The following AOPEP variants were observed in gnomAD, a reference collection of about 807,000 sequenced individuals.
AOPEP encodes aminopeptidase O (putative).
AOPEP carries 77 observed loss-of-function variants against 98.1 expected under a neutral mutation model. That is an observed-to-expected ratio of 0.78 (90% CI 0.65 to 0.95). AOPEP has a LOEUF of 0.95. Ranked by LOEUF, AOPEP falls within the 40% of genes least tolerant of loss-of-function variation. The pLI, the probability that AOPEP is intolerant of heterozygous loss-of-function variation, is 0.00. For missense variants in AOPEP, 1,024 were observed against 1,024.7 expected (o/e 1.00, Z 0.01); for synonymous variants, 346 against 365.3 (o/e 0.95, Z 0.60).
the AOPEP span, chr9:95,123,531 A>G: frequency 2.0e-6 from 1 of 512,348 alleles, no homozygotes; most frequent in East Asian, 5.2e-5. Flanking sequence ...ATGATGAAAA[A>G]AAGAAGGAAC....
chr9:95,107,705 G>A, the AOPEP span, among the ~76,000 whole-genome samples: 4,555 of 152,216 alleles, frequency 0.03, 139 homozygotes, highest in East Asian at 0.1. Context: ...TTTGCTTCTT[G>A]CTATATTGGG....
At chr9:94,998,347 C>T (rs1276876115) in intron 11 of AOPEP, among the ~76,000 whole-genome samples, 5 of 151,952 alleles carry the variant, frequency 3.3e-5, no homozygotes, top group Admixed American at 6.6e-5. Context: ...GTGTGAGGAA[C>T]GAGCAGAACA....
chr9:94,976,654 C>CTTTT (rs778133412), intron 10 of AOPEP, among the ~76,000 whole-genome samples: 5 of 136,254 alleles, frequency 3.7e-5, no homozygotes, highest in African/African-American at 5.4e-5. Flanking sequence ...AAGACAGCCT[C>CTTTT]TTTTTTTTTT....
rs59763820 is a variant in AOPEP at position 94,885,008 on chromosome 9, CAAA to C, written c.1365-38961_1365-38959del. On this transcript the variant is annotated intron_variant, in intron 5 of 16. Transcript: ENST00000375315. ...TGGGCGACAGAGCGAGACTCCGTCT[CAAA>C]AAAAAAAAAAAAAAAATCAGACACT... is the stretch of plus-strand genomic sequence containing the variant. Among the ~76,000 whole-genome samples the C allele has an allele frequency of 4.1e-3, 468 of 113,688 alleles. 2 individuals carry two copies. The highest frequency in any genetic ancestry group is 0.012 in the African/African-American group (338 of 28,790). The allele number at this position is 113,688 out of a possible 152,430, so 74.6% of individuals were successfully genotyped here.
At chr9:95,088,148 C>T (rs1472797002), downstream of AOPEP, among the ~76,000 whole-genome samples, 2 of 151,938 alleles carry the variant, frequency 1.3e-5, no homozygotes, top group South Asian at 2.1e-4. Flanking sequence ...TACACGACCG[C>T]GGCTTCCTGT....
intron 5 of AOPEP, among the ~76,000 whole-genome samples, chr9:94,914,169 G>A (rs1030822241): frequency 3.3e-5 from 5 of 152,168 alleles, no homozygotes; most frequent in African/African-American, 1.2e-4. Flanking sequence ...TGGAGACATG[G>A]ATGTAAGAAA....
chr9:94,918,608 G>T (rs939655123), intron 5 of AOPEP, among the ~76,000 whole-genome samples: 1 of 152,178 alleles, frequency 6.6e-6, no homozygotes, highest in Non-Finnish European at 1.5e-5. Context: ...CCAGCTGTGT[G>T]ACCTTGGGCT....
intron 5 of AOPEP, among the ~76,000 whole-genome samples, chr9:94,906,903 C>G (rs1276106024): frequency 6.6e-6 from 1 of 152,116 alleles, no homozygotes; most frequent in Non-Finnish European, 1.5e-5. Flanking sequence ...GTGTGTGTTC[C>G]CTGAATGGAA....
chr9:95,068,540 G>C (rs2068144059), intron 14 of AOPEP, among the ~76,000 whole-genome samples: 1 of 152,110 alleles, frequency 6.6e-6, no homozygotes, highest in African/African-American at 2.4e-5. Context: ...AGTTATAATA[G>C]TTCTTTATAT....
intron 15 of AOPEP, 22 bp from the exon 16 acceptor site, chr9:95,082,553 C>A: frequency 6.2e-7 from 1 of 1,613,294 alleles, no homozygotes; most frequent in Non-Finnish European, 8.5e-7. Context: ...GCCTGATGCC[C>A]TTTGGCCTCT....
intron 5 of AOPEP, among the ~76,000 whole-genome samples, chr9:94,897,879 G>C (rs996290042): frequency 2.8e-5 from 4 of 142,976 alleles, no homozygotes; most frequent in African/African-American, 1.1e-4. Flanking sequence ...TTGCTCTGTC[G>C]CCCAGGCTGG....
chr9:94,961,907 C>T (rs754156538), intron 9 of AOPEP, among the ~76,000 whole-genome samples: 1 of 152,158 alleles, frequency 6.6e-6, no homozygotes, highest in Non-Finnish European at 1.5e-5. Context: ...ACTCTCCTGA[C>T]CTTTCGTTTA....
At chr9:95,088,199 T>TGCC (rs1419176205), downstream of AOPEP, among the ~76,000 whole-genome samples, 1 of 151,818 alleles carries the variant, frequency 6.6e-6, no homozygotes, top group East Asian at 1.9e-4. Flanking sequence ...TGTGTGCTGC[T>TGCC]GCCTTTTTTT....
intron 14 of AOPEP, among the ~76,000 whole-genome samples, chr9:95,072,332 A>G (rs2068595269): frequency 6.6e-6 from 1 of 152,252 alleles, no homozygotes; most frequent in African/African-American, 2.4e-5. Flanking sequence ...GGAGTTTACC[A>G]GGAATCTGGT....
chr9:94,767,876 C>T (rs545378466), intron 2 of AOPEP, among the ~76,000 whole-genome samples: 118 of 151,960 alleles, frequency 7.8e-4, no homozygotes, highest in Non-Finnish European at 1.5e-3. Context: ...TAATTGTGCC[C>T]GGAAGTAGAA....
At position 95,082,626 on chromosome 9, in the gene AOPEP, C is replaced by T; in HGVS notation, c.2371C>T (p.Gln791Ter). ...GELMVSEDARQQQLARRCFER... is the reference protein window; with the variant it reads ...GELMVSEDAR Reference sequence around the variant, plus strand: ...GCTGATGGTGAGTGAGGACGCCAGACAGCAGCAGCTCGCCCGTAGGTGCTT... The same window carrying T: ...GCTGATGGTGAGTGAGGACGCCAGATAGCAGCAGCTCGCCCGTAGGTGCTT... Residue 791 changes from glutamine to a stop codon, truncating the protein, a stop_gained, in exon 16 of 17, where the codon CAG (glutamine) becomes TAG (stop). Coordinates refer to ENST00000375315, the MANE Select transcript of AOPEP (RefSeq NM_001193329.3). LOFTEE classifies it high-confidence loss of function. 2 of 1,614,232 alleles carry T rather than the reference C, an allele frequency of 1.2e-6. No individual in the cohort carries two copies. Among genetic ancestry groups the T allele is most frequent in the Non-Finnish European group, 1.7e-6 (2 of 1,180,044 alleles).
At chr9:94,964,288 C>T (rs183885695) in intron 9 of AOPEP, among the ~76,000 whole-genome samples, 8 of 152,314 alleles carry the variant, frequency 5.3e-5, no homozygotes, top group African/African-American at 1.4e-4. Context: ...TCCAGGATCA[C>T]AGCCCACTGG....
At chr9:94,921,526 G>A (rs984051429) in intron 5 of AOPEP, among the ~76,000 whole-genome samples, 39 of 152,196 alleles carry the variant, frequency 2.6e-4, no homozygotes, top group Admixed American at 2.2e-3. Flanking sequence ...AACATGAGAC[G>A]TTCAGACATT....
At position 94,876,298 on chromosome 9, in the gene AOPEP, C is replaced by A. The variant is rs905710166; in HGVS notation, c.1365-47688C>A. Among the ~76,000 whole-genome samples the A allele has an allele frequency of 1.3e-5, 2 of 152,044 alleles. 1 individual carries two copies. Among genetic ancestry groups the A allele is most frequent in the South Asian group, 4.2e-4 (2 of 4,812 alleles). Reference sequence around the variant, plus strand: ...TGGAAAACCCAAGCTTGCCATCCACCATTGAGGATGCCTGCAGACCAACTG... The same window carrying A: ...TGGAAAACCCAAGCTTGCCATCCACAATTGAGGATGCCTGCAGACCAACTG... On this transcript the variant is annotated intron_variant, in intron 5 of 16. Transcript: ENST00000375315.
Sources: gnomAD v4.1 joint callset for allele counts (sites outside exome capture counted in the v4.1 genomes callset) on GRCh38, gnomAD v4.1.1 for gene constraint, MANE v1.5 for transcripts, NCBI Gene and HGNC (gene_info 2026-07-23, HGNC 2026-07-21) for gene names.